Variants in SEC63 observed in about 807,000 individuals in gnomAD.
SEC63 encodes SEC63 protein translocation regulator, also known as translocation protein SEC63 homolog.
SEC63 carries 56 observed loss-of-function variants against 116.2 expected under a neutral mutation model. The observed-to-expected ratio is 0.48, with a 90% CI of 0.39 to 0.60. The LOEUF is 0.60. SEC63 is among the 20% of genes least tolerant of loss of function. The pLI, the probability that SEC63 is intolerant of heterozygous loss-of-function variation, is 0.00. For missense variants in SEC63, 668 were observed against 900.0 expected, an observed-to-expected ratio of 0.74 and a Z score of 3.30; for synonymous variants, 273 against 294.6, an observed-to-expected ratio of 0.93 and a Z score of 0.75.
intron 16 of SEC63, among the ~76,000 whole-genome samples, chr6:107,890,469 C>T (rs186181377): frequency 2.0e-5 from 3 of 152,238 alleles, no homozygotes; most frequent in Non-Finnish European, 2.9e-5. Context: ...TGTCTTTTCA[C>T]GTGAGATGGG....
At chr6:107,914,966 T>TTGTTTAATGAGTTGTTTAA (rs1787365503) in intron 4 of SEC63, among the ~76,000 whole-genome samples, 2 of 152,176 alleles carry the variant, frequency 1.3e-5, no homozygotes, top group East Asian at 3.8e-4. Flanking sequence ...TAAACTGACT[T>TTGTTTAATGAGTTGTTTAA]CTACAACTGC....
intron 16 of SEC63, chr6:107,883,557 G>A (rs1182806743): frequency 5.7e-6 from 1 of 175,330 alleles, no homozygotes; most frequent in Non-Finnish European, 1.2e-5. Flanking sequence ...CACTTTGGAA[G>A]GCAGAGGCAG....
At chr6:107,885,832 A>G (rs9400156) in intron 16 of SEC63, among the ~76,000 whole-genome samples, 16,112 of 152,132 alleles carry the variant, frequency 0.11, 962 homozygotes, top group East Asian at 0.21. Flanking sequence ...ACTAGAGTCC[A>G]TAAACAGACC....
At chr6:107,948,210 T>C (rs939976970) in intron 1 of SEC63, among the ~76,000 whole-genome samples, 1 of 152,170 alleles carries the variant, frequency 6.6e-6, no homozygotes, top group Non-Finnish European at 1.5e-5. Flanking sequence ...CCACTAGCCA[T>C]TTTAACACAT....
At chr6:107,929,638 C>T (rs2114487957) in intron 1 of SEC63, 124 bp from the exon 2 acceptor site, 2 of 646,868 alleles carry the variant, frequency 3.1e-6, no homozygotes, top group South Asian at 1.8e-5. Flanking sequence ...AAATTACTGC[C>T]TATTCAAATA....
At chr6:107,947,544 A>G (rs1770502164) in intron 1 of SEC63, among the ~76,000 whole-genome samples, 1 of 151,976 alleles carries the variant, frequency 6.6e-6, no homozygotes, top group East Asian at 1.9e-4. Flanking sequence ...CTGCACTCCA[A>G]CCTGGGTAAC....
chr6:107,884,460 C>T (rs1222268740), intron 16 of SEC63, among the ~76,000 whole-genome samples: 1 of 151,890 alleles, frequency 6.6e-6, no homozygotes, highest in Middle Eastern at 3.2e-3. Flanking sequence ...GTTACGCCAA[C>T]AAATTTAATA....
rs1283917550 is a variant in SEC63 at position 107,868,093 on chromosome 6, G to A, written c.*3611C>T. On this transcript the variant is annotated 3_prime_UTR_variant, in exon 21 of 21. Coordinates refer to ENST00000369002, the MANE Select transcript of SEC63 (RefSeq NM_007214.5). ...AGAATGCTTGGTGCTAACTTCTTGA[G>A]ACATATTTGGACTAATCACTACACA... 1 of 143,784 alleles carries A rather than the reference G, an allele frequency of 7.0e-6. No individual in the cohort carries two copies. The highest frequency in any genetic ancestry group is 1.5e-5 in the Non-Finnish European group (1 of 66,358). The allele number at this position is 143,784 out of a possible 1,614,324, so 8.9% of individuals were successfully genotyped here.
At chr6:107,937,369 A>T (rs1770275011) in intron 1 of SEC63, among the ~76,000 whole-genome samples, 1 of 151,794 alleles carries the variant, frequency 6.6e-6, no homozygotes, top group Admixed American at 6.6e-5. Flanking sequence ...CAGGTGATCC[A>T]CCTGCCTCGG....
In SEC63 at chr6:107,924,850, AT is replaced by A; in HGVS notation, c.306del (p.Glu102AspfsTer8). 1 of 1,577,728 alleles carries A rather than the reference AT, an allele frequency of 6.3e-7. No homozygotes were observed. On this transcript the variant is annotated frameshift_variant, in exon 3 of 21. Transcript: ENST00000369002. LOFTEE classifies it high-confidence loss of function. ...KVSKTDREYQ[E>X]YNPYEVLNLD... is the part of the protein sequence containing the mutation. ...AAATTTAATACTTCATAAGGATTGT[AT>A]TCTTGGTATTCTCGGTCTGTTTTGG...
At chr6:107,939,526 C>G (rs923193171) in intron 1 of SEC63, among the ~76,000 whole-genome samples, 1 of 152,066 alleles carries the variant, frequency 6.6e-6, no homozygotes, top group Non-Finnish European at 1.5e-5. Context: ...CCGAGGCAGA[C>G]GGATCGCGTG....
intron 1 of SEC63, among the ~76,000 whole-genome samples, chr6:107,954,057 G>A (rs1362368547): frequency 2.0e-5 from 3 of 152,206 alleles, no homozygotes; most frequent in Non-Finnish European, 4.4e-5. Context: ...TTGGGAAATC[G>A]GATGGTTGCC....
intron 1 of SEC63, among the ~76,000 whole-genome samples, chr6:107,934,527 C>T (rs1261414036): frequency 5.6e-5 from 8 of 142,238 alleles, no homozygotes; most frequent in South Asian, 4.7e-4. Context: ...GCAGCCGCCC[C>T]GTCTGAGAAG....
intron 1 of SEC63, among the ~76,000 whole-genome samples, chr6:107,952,152 A>G (rs1364186700): frequency 1.3e-5 from 2 of 152,164 alleles, no homozygotes; most frequent in East Asian, 1.9e-4. Context: ...TAAAACAAAT[A>G]ACTACTAAAA....
chr6:107,949,034 TTGTC>T (rs1583780331), intron 1 of SEC63, among the ~76,000 whole-genome samples: 1 of 152,194 alleles, frequency 6.6e-6, no homozygotes, highest in East Asian at 1.9e-4. Flanking sequence ...TTAATCCACC[TTGTC>T]TGAGTTGATT....
chr6:107,903,299 C>T (rs928196981), intron 11 of SEC63, among the ~76,000 whole-genome samples: 20 of 152,074 alleles, frequency 1.3e-4, no homozygotes, highest in African/African-American at 4.8e-4. Flanking sequence ...CAAGAACCAA[C>T]ATCACCCGTA....
In SEC63 at chr6:107,893,906, C is replaced by A. The variant is rs767036637; in HGVS notation, c.1441-9G>T. Reference sequence around the variant, plus strand: ...TCCTTTTCAAATACTTCCTGGGGGGCGGCAAGAAGAGAAATACAAAATCTG... The same window carrying A: ...TCCTTTTCAAATACTTCCTGGGGGGAGGCAAGAAGAGAAATACAAAATCTG... On this transcript the variant is annotated splice_polypyrimidine_tract_variant and intron_variant, in intron 14 of 20. Transcript: ENST00000369002. 5.3e-5 allele frequency: 86 copies of A among 1,613,416 alleles called. No individual in the cohort carries two copies. Among genetic ancestry groups the A allele is most frequent in the Non-Finnish European group, 7.3e-5 (86 of 1,179,676 alleles).
rs1012217232 is a variant in SEC63 at position 107,869,620 on chromosome 6, A to G, written c.*2084T>C. On this transcript the variant is annotated 3_prime_UTR_variant, in exon 21 of 21. Coordinates refer to ENST00000369002, the MANE Select transcript of SEC63 (RefSeq NM_007214.5). ...CTTGCTGGAGAGAGAAGAACTATCA[A>G]CTGAAGGCTCAGTTCTTTCACTACT... is the stretch of plus-strand genomic sequence containing the variant. 1 of 152,214 alleles carries G rather than the reference A, an allele frequency of 6.6e-6. No individual in the cohort carries two copies. 9.4% of individuals were successfully genotyped at this position (152,214 alleles called of 1,614,324 possible).
At position 107,921,522 on chromosome 6, in the gene SEC63, G is replaced by A. The variant is rs1240399798; in HGVS notation, c.452+275C>T. Reference sequence around the variant, plus strand: ...GTTGGGCTGCAGTGGCATGGTCACGGCTCACTGCAGCCTTGACCTCCCAGG... The same window carrying A: ...GTTGGGCTGCAGTGGCATGGTCACGACTCACTGCAGCCTTGACCTCCCAGG... On this transcript the variant is annotated intron_variant, in intron 4 of 20. Transcript: ENST00000369002. Among the ~76,000 whole-genome samples, 3 of 151,628 alleles carry A rather than the reference G, an allele frequency of 2.0e-5. No homozygotes were observed. In the East Asian group the frequency reaches 5.8e-4, roughly 29 times the overall value.
Sources: allele counts gnomAD v4.1 joint callset (sites outside exome capture counted in the v4.1 genomes callset), GRCh38; gene constraint gnomAD v4.1.1; transcripts MANE v1.5; gene names NCBI Gene and HGNC (gene_info 2026-07-23, HGNC 2026-07-21).